CEP192: variants seen among roughly 807,000 people sequenced by gnomAD.
The protein encoded by CEP192 is centrosomal protein 192.
CEP192 carries 151 observed loss-of-function variants against 271.8 expected under a neutral mutation model. The observed-to-expected ratio is 0.56, with a 90% CI of 0.49 to 0.64. CEP192 has a LOEUF of 0.64. Among genes scored for constraint, CEP192 ranks in the 30% least tolerant of loss-of-function variants. The pLI is 0.00. For missense variants in CEP192, 2,910 were observed against 3,020.5 expected, an observed-to-expected ratio of 0.96 and a Z score of 0.86; for synonymous variants, 995 against 1,076.5, an observed-to-expected ratio of 0.92 and a Z score of 1.48.
chr18:13,114,070 T>C (rs1331971369), intron 41 of CEP192, 60 bp from the exon 42 acceptor site: 4 of 1,531,090 alleles, frequency 2.6e-6, no homozygotes, highest in Non-Finnish European at 3.5e-6. Context: ...AATAAGTAAA[T>C]GTCCATATAT....
At chr18:13,020,220 C>T (rs1002492780) in intron 9 of CEP192, among the ~76,000 whole-genome samples, 3 of 152,168 alleles carry the variant, frequency 2.0e-5, no homozygotes, top group African/African-American at 7.2e-5. Context: ...ACCCATTAAA[C>T]AACAAACCTC....
At chr18:13,004,220 G>A (rs1207443969) in intron 3 of CEP192, among the ~76,000 whole-genome samples, 3 of 152,166 alleles carry the variant, frequency 2.0e-5, no homozygotes, top group Non-Finnish European at 2.9e-5. Context: ...TAGACAGCTT[G>A]TGGAGTTTTG....
intron 44 of CEP192, among the ~76,000 whole-genome samples, chr18:13,118,028 A>T (rs2040509322): frequency 6.6e-6 from 1 of 152,134 alleles, no homozygotes. Flanking sequence ...CTGGGACAAA[A>T]ACCTTTCCGA....
Position 13,068,339 on chromosome 18 carries a change from T to A in CEP192, c.4759-20T>A. 1 of 1,608,640 alleles carries A rather than the reference T, an allele frequency of 6.2e-7. No individual in the cohort carries two copies. The highest frequency in any genetic ancestry group is 8.5e-7 in the Non-Finnish European group (1 of 1,176,978). On this transcript the variant is annotated intron_variant, in intron 23 of 44. Transcript: ENST00000506447. ...TAATACCAGTTTACATTAAGACAAA[T>A]TTTTCTTTTAATTTTATAGGATCCA...
intron 18 of CEP192, 52 bp downstream of exon 18, chr18:13,053,142 G>GTT (rs771956025): frequency 5.0e-6 from 7 of 1,404,280 alleles, no homozygotes; most frequent in Non-Finnish European, 5.8e-6. Flanking sequence ...TCTTAAAAGT[G>GTT]TTAACAGATG....
At chr18:13,031,885 G>A (rs766572437) in intron 11 of CEP192, among the ~76,000 whole-genome samples, 3 of 152,310 alleles carry the variant, frequency 2.0e-5, no homozygotes, top group Middle Eastern at 6.8e-3. Flanking sequence ...TTCAAATGGA[G>A]AGAAAGCCCA....
At chr18:13,115,694 G>A (rs946713002) in intron 42 of CEP192, among the ~76,000 whole-genome samples, 3 of 152,086 alleles carry the variant, frequency 2.0e-5, no homozygotes, top group Admixed American at 6.6e-5. Flanking sequence ...TGAGAGGGTC[G>A]GCTCCCAGAT....
At chr18:12,993,923 C>T (rs1568248277) in intron 1 of CEP192, among the ~76,000 whole-genome samples, 2 of 152,116 alleles carry the variant, frequency 1.3e-5, no homozygotes, top group Non-Finnish European at 2.9e-5. Flanking sequence ...TTTGTATTTC[C>T]AGTTCTCTGT....
At chr18:13,114,108 A>G (rs769125149) in intron 41 of CEP192, 22 bp from the exon 42 acceptor site, 2 of 1,601,438 alleles carry the variant, frequency 1.2e-6, no homozygotes, top group Non-Finnish European at 8.5e-7. Context: ...CTTCTCCGTT[A>G]CCCTGTGATT....
At position 13,071,231 on chromosome 18, in the gene CEP192, C is replaced by G; in HGVS notation, c.5348+19C>G. 1 of 1,596,222 alleles carries G rather than the reference C, an allele frequency of 6.3e-7. No individual in the cohort carries two copies. Among genetic ancestry groups the G allele is most frequent in the South Asian group, 1.1e-5 (1 of 89,924 alleles). On this transcript the variant is annotated intron_variant, in intron 28 of 44. Coordinates refer to ENST00000506447, the MANE Select transcript of CEP192 (RefSeq NM_032142.4). ...GAACACAGTAAGTGTCAAAGACTGA[C>G]AAATCGTCCACTATTTATACATATT...
chr18:13,018,183 G>GAC (rs2143142282), intron 7 of CEP192, among the ~76,000 whole-genome samples: 1 of 152,262 alleles, frequency 6.6e-6, no homozygotes, highest in Admixed American at 6.5e-5. Flanking sequence ...TGGCTAAGGT[G>GAC]ATGTCAGCTG....
rs75788241 is a variant in CEP192 at position 13,095,669 on chromosome 18, G to A, written c.6421G>A (p.Ala2141Thr). ...TVLPEHLILV[A>T]PSPCDMAKTG... ...CCTACCCGAGCACTTGATTCTGGTA[G>A]CTCCTTCTCCTTGTGAGTATGTCAA... Residue 2141 changes from alanine (A) to threonine (T), a missense_variant, in exon 35 of 45, where the codon GCT (alanine) becomes ACT (threonine). Ala to Thr is a moderately conservative substitution (Grantham distance 58). Transcript: ENST00000506447. 1 of 1,612,388 alleles carries A rather than the reference G, an allele frequency of 6.2e-7. No individual in the cohort carries two copies. The highest frequency in any genetic ancestry group is 1.3e-5 in the African/African-American group (1 of 74,796).
intron 44 of CEP192, among the ~76,000 whole-genome samples, chr18:13,119,520 ATC>A: frequency 6.6e-6 from 1 of 152,186 alleles, no homozygotes; most frequent in Non-Finnish European, 1.5e-5. Context: ...AGGTGGGCGG[ATC>A]ATGTGAGGTC....
chr18:13,053,179 A>T, intron 18 of CEP192, 89 bp downstream of exon 18: 1 of 1,076,064 alleles, frequency 9.3e-7, no homozygotes, highest in Non-Finnish European at 1.3e-6. Flanking sequence ...GTTCAAGCCT[A>T]TATAACTTCA....
intron 32 of CEP192, 38 bp from the exon 33 acceptor site, chr18:13,089,418 G>A (rs766961365): frequency 1.9e-5 from 19 of 995,022 alleles, no homozygotes; most frequent in Middle Eastern, 2.9e-4. Flanking sequence ...TATATATAAC[G>A]TCACTTTTAA....
intron 29 of CEP192, 72 bp downstream of exon 29, chr18:13,072,917 T>G (rs535622153): frequency 6.5e-7 from 1 of 1,536,016 alleles, no homozygotes; most frequent in African/African-American, 1.4e-5. Context: ...CAGACCTTTT[T>G]GTGTTATTTA....
At chr18:13,084,151 T>C (rs1598551769) in intron 30 of CEP192, among the ~76,000 whole-genome samples, 2 of 152,190 alleles carry the variant, frequency 1.3e-5, no homozygotes, top group East Asian at 3.9e-4. Context: ...ACTGCTCTCT[T>C]CAGAGCTGTC....
Position 13,096,290 on chromosome 18 carries a change from T to C in CEP192, c.6540T>C (p.His2180=). Residue 2180 remains histidine (H), a synonymous_variant, in exon 36 of 45, where the codon CAT becomes CAC. Coordinates refer to ENST00000506447, the MANE Select transcript of CEP192 (RefSeq NM_032142.4). Reference sequence around the variant, plus strand: ...ATTGCCTCACAGTCACGCCGCAGCATGGATGTGTCGCGCCAGAGTAAGTCT... The same window carrying C: ...ATTGCCTCACAGTCACGCCGCAGCACGGATGTGTCGCGCCAGAGTAAGTCT... ...PAHCLTVTPQ[H]GCVAPESKLQ... is the part of the protein sequence containing the mutation. The C allele has an allele frequency of 6.2e-7, 1 of 1,613,732 alleles. No individual in the cohort carries two copies.
At chr18:13,061,089 G>A (rs146021387) in intron 21 of CEP192, among the ~76,000 whole-genome samples, 395 of 152,302 alleles carry the variant, frequency 2.6e-3, no homozygotes, top group Non-Finnish European at 4.3e-3. Flanking sequence ...TTAGGAGGCC[G>A]AGGCGGGCAG....
Sources: gnomAD v4.1 joint callset for allele counts (sites outside exome capture counted in the v4.1 genomes callset) on GRCh38, gnomAD v4.1.1 for gene constraint, MANE v1.5 for transcripts, NCBI Gene and HGNC (gene_info 2026-07-23, HGNC 2026-07-21) for gene names.